The following ANKRD44 variants were observed in gnomAD, a reference collection of about 807,000 sequenced individuals.
ANKRD44 encodes ankyrin repeat domain 44.
A neutral mutation model predicts 116.0 loss-of-function variants in ANKRD44; 35 were observed. That is an observed-to-expected ratio of 0.30 (90% CI 0.23 to 0.40). The LOEUF is 0.40. Ranked by LOEUF, ANKRD44 falls within the 10% of genes least tolerant of loss-of-function variation. The pLI is 1.00. For missense variants in ANKRD44, 1,014 were observed against 1,242.6 expected (o/e 0.82, Z 2.77); for synonymous variants, 435 against 461.8 (o/e 0.94, Z 0.74).
intron 1 of ANKRD44, among the ~76,000 whole-genome samples, chr2:197,300,334 A>G (rs1432469074): frequency 6.6e-6 from 1 of 152,190 alleles, no homozygotes; most frequent in Admixed American, 6.5e-5. Context: ...AAGGGACACA[A>G]CACGTCACTC....
Position 197,276,694 on chromosome 2 carries a change from T to C in ANKRD44, c.27+33884A>G, listed in dbSNP as rs971642835. Among the ~76,000 whole-genome samples the C allele has an allele frequency of 7.9e-5, 12 of 152,314 alleles. No individual in the cohort carries two copies. In the East Asian group the frequency reaches 2.3e-3, roughly 29 times the overall value. ...TACATTGATTTATTTTTAAATATTG[T>C]GTGTGAGTTCTATTATCTGTGAGTT... On this transcript the variant is annotated intron_variant, in intron 1 of 27. Transcript: ENST00000282272.
intron 16 of ANKRD44, among the ~76,000 whole-genome samples, chr2:197,044,797 A>G (rs1191712034): frequency 6.6e-6 from 1 of 152,152 alleles, no homozygotes; most frequent in East Asian, 1.9e-4. Flanking sequence ...CTATTTGTAA[A>G]TAGTTTATAC....
chr2:197,104,346 C>G (rs1287850936), intron 9 of ANKRD44, among the ~76,000 whole-genome samples: 1 of 152,158 alleles, frequency 6.6e-6, no homozygotes, highest in Non-Finnish European at 1.5e-5. Context: ...GTCTCGAACT[C>G]CTGACCTCAA....
At chr2:197,240,235 C>T (rs556872582) in intron 1 of ANKRD44, among the ~76,000 whole-genome samples, 5 of 151,656 alleles carry the variant, frequency 3.3e-5, no homozygotes, top group African/African-American at 4.8e-5. Context: ...ATGAGCTGGG[C>T]GTGGTGGTGT....
At chr2:197,099,546 G>A in intron 10 of ANKRD44, 15 of 1,153,086 alleles carry the variant, frequency 1.3e-5, no homozygotes, top group Non-Finnish European at 1.6e-5. Context: ...AAGAATATTA[G>A]AAAGAAAAGT....
intron 12 of ANKRD44, among the ~76,000 whole-genome samples, chr2:197,087,469 T>C (rs370641378): frequency 2.6e-5 from 4 of 152,378 alleles, no homozygotes; most frequent in African/African-American, 9.6e-5. Context: ...TTGTATGTTG[T>C]CACTTTCTGT....
At chr2:197,006,353 G>A (rs1313544076) in intron 20 of ANKRD44, among the ~76,000 whole-genome samples, 1 of 152,192 alleles carries the variant, frequency 6.6e-6, no homozygotes, top group East Asian at 1.9e-4. Context: ...GCTGAGGCAG[G>A]AGAATGGCGT....
intron 16 of ANKRD44, among the ~76,000 whole-genome samples, chr2:197,030,346 A>G (rs1432720982): frequency 1.3e-5 from 2 of 152,234 alleles, no homozygotes; most frequent in Non-Finnish European, 2.9e-5. Flanking sequence ...GTGATTTCCA[A>G]TGGTGAGCAC....
rs949530599 is a variant in ANKRD44, at chr2:197,066,240, A to C, written c.1650+12463T>G. The stretch of plus-strand genomic sequence containing the variant: ...AATGGCCTTTGACAAAATTCAACAG[A>C]CCTTCATGCTAAAAACTCTCAATAA... On this transcript the variant is annotated intron_variant, in intron 16 of 27. Coordinates refer to ENST00000282272, the MANE Select transcript of ANKRD44 (RefSeq NM_001195144.2). Among the ~76,000 whole-genome samples the C allele has an allele frequency of 6.6e-5, 10 of 152,230 alleles. No homozygotes were observed. The South Asian group carries it at 1.7e-3, about 25-fold the overall frequency.
chr2:197,310,674 A>C lies in ANKRD44; in HGVS notation c.-70T>G. ...CAGATGTCACGCCGGGAGCCGGGGA[A>C]GCGGAAGGGATTGCCAGGAGAAGGG... On this transcript the variant is annotated 5_prime_UTR_variant, in exon 1 of 28. Coordinates refer to ENST00000282272, the MANE Select transcript of ANKRD44 (RefSeq NM_001195144.2). The C allele has an allele frequency of 1.6e-6, 2 of 1,281,894 alleles. No individual in the cohort carries two copies. The highest frequency in any genetic ancestry group is 4.3e-5 in the East Asian group (1 of 23,004). 79.4% of individuals were successfully genotyped at this position (1,281,894 alleles called of 1,614,324 possible).
chr2:197,063,782 T>C (rs535561828), intron 16 of ANKRD44, among the ~76,000 whole-genome samples: 1 of 152,150 alleles, frequency 6.6e-6, no homozygotes, highest in Non-Finnish European at 1.5e-5. Context: ...GAACAAAGCC[T>C]CCAAGAAATA....
At chr2:197,184,334 C>G (rs1196633799) in intron 2 of ANKRD44, among the ~76,000 whole-genome samples, 1 of 152,146 alleles carries the variant, frequency 6.6e-6, no homozygotes, top group Non-Finnish European at 1.5e-5. Flanking sequence ...TAATTCCAAG[C>G]TGACCCATAA....
Position 196,989,098 on chromosome 2 carries a change from G to A in ANKRD44, c.*493C>T. 2.0e-6 allele frequency: 2 copies of A among 985,298 alleles called. No homozygotes were observed. Among genetic ancestry groups the A allele is most frequent in the Non-Finnish European group, 2.4e-6 (2 of 829,974 alleles). 61.0% of individuals were successfully genotyped at this position (985,298 alleles called of 1,614,324 possible). A position where few individuals can be genotyped will look rare whatever the true frequency, so the allele number is the denominator to read the frequency against. On this transcript the variant is annotated 3_prime_UTR_variant, in exon 28 of 28. Coordinates refer to ENST00000282272, the MANE Select transcript of ANKRD44 (RefSeq NM_001195144.2). The stretch of plus-strand genomic sequence containing the variant: ...GTGGAAATGCTAGGTTTGGCCCTTG[G>A]GCTTTTGGCTAGCCCAGGGTCAAGT...
rs140680267 is a variant in ANKRD44, at chr2:197,295,600, A to G, written c.27+14978T>C. 4.1e-3 allele frequency among the ~76,000 whole-genome samples: 625 copies of G among 152,270 alleles called. 14 individuals carry two copies. Among genetic ancestry groups the G allele is most frequent in the Admixed American group, 0.037 (562 of 15,290 alleles). On this transcript the variant is annotated intron_variant, in intron 1 of 27. Coordinates refer to ENST00000282272, the MANE Select transcript of ANKRD44 (RefSeq NM_001195144.2). ...AACCCCTGGGTTAAAACTATAGAAGACTGGAGCAGCTGCAAGAATAAACTC... is the reference window on the plus strand; with the variant it reads ...AACCCCTGGGTTAAAACTATAGAAGGCTGGAGCAGCTGCAAGAATAAACTC...
intron 1 of ANKRD44, among the ~76,000 whole-genome samples, chr2:197,222,016 C>G (rs1302198502): frequency 6.6e-6 from 1 of 152,336 alleles, no homozygotes; most frequent in East Asian, 1.9e-4. Context: ...ACACCAAAAT[C>G]CTAACATTAA....
intron 1 of ANKRD44, among the ~76,000 whole-genome samples, chr2:197,221,963 C>T (rs2081595038): frequency 6.6e-6 from 1 of 152,192 alleles, no homozygotes; most frequent in South Asian, 2.1e-4. Context: ...CTTCTGCCAT[C>T]TATAAAATGT....
intron 1 of ANKRD44, among the ~76,000 whole-genome samples, chr2:197,282,081 G>A (rs1417368248): frequency 1.3e-5 from 2 of 151,946 alleles, no homozygotes; most frequent in African/African-American, 4.8e-5. Context: ...GTGAAACCCC[G>A]TCTCTACTAA....
intron 1 of ANKRD44, among the ~76,000 whole-genome samples, chr2:197,254,734 G>GTATAGACACA (rs1484338284): frequency 4.7e-5 from 7 of 148,844 alleles, no homozygotes; most frequent in Non-Finnish European, 8.9e-5. Context: ...GTATATGTGT[G>GTATAGACACA]TATAGACACA....
intron 18 of ANKRD44, among the ~76,000 whole-genome samples, chr2:197,010,792 G>C (rs1037601480): frequency 6.6e-6 from 1 of 152,216 alleles, no homozygotes; most frequent in Non-Finnish European, 1.5e-5. Context: ...AGAGAGAAGG[G>C]AATAGACGCC....
Sources: allele counts gnomAD v4.1 joint callset (sites outside exome capture counted in the v4.1 genomes callset), GRCh38; gene constraint gnomAD v4.1.1; transcripts MANE v1.5; gene names NCBI Gene and HGNC (gene_info 2026-07-23, HGNC 2026-07-21).